TMEM272: variants seen among roughly 807,000 people sequenced by gnomAD.
TMEM272 encodes the protein transmembrane protein 272, also known as long intergenic non-protein coding RNA 282.
TMEM272 carries 8 observed loss-of-function variants against 3.7 expected under a neutral mutation model. The ratio of observed to expected loss-of-function variants is 2.17; its 90% CI spans 1.27 to 3.91. The LOEUF (loss-of-function observed/expected upper bound fraction) is 3.91. Among genes scored for constraint, TMEM272 ranks in the 30% most tolerant of loss-of-function variants. The pLI, the probability that TMEM272 is intolerant of heterozygous loss-of-function variation, is 0.00. For synonymous variants in TMEM272, 63 were observed against 39.8 expected (o/e 1.58, Z -2.20); for missense variants, 166 against 91.5 (o/e 1.81, Z -3.32).
chr13:51,843,032 G>A (rs776492470), intron 1 of TMEM272, among the ~76,000 whole-genome samples: 25 of 152,282 alleles, frequency 1.6e-4, no homozygotes, highest in Non-Finnish European at 2.4e-4. Context: ...TATGAGAGTG[G>A]CAGTTTCACC....
intron 3 of TMEM272, among the ~76,000 whole-genome samples, chr13:51,824,865 A>G (rs1485639820): frequency 6.6e-6 from 1 of 152,202 alleles, no homozygotes; most frequent in Non-Finnish European, 1.5e-5. Context: ...AGGCACAAGA[A>G]TCACTTGAGC....
chr13:51,846,662 C>T (rs912099620), upstream of TMEM272, among the ~76,000 whole-genome samples: 8 of 152,174 alleles, frequency 5.3e-5, no homozygotes, highest in African/African-American at 1.4e-4. Context: ...TAGGAGATGA[C>T]AGCTCCTGCC....
chr13:51,834,269 G>A (rs1385150178), intron 2 of TMEM272, among the ~76,000 whole-genome samples: 1 of 152,118 alleles, frequency 6.6e-6, no homozygotes, highest in Non-Finnish European at 1.5e-5. Context: ...CCACTGCCGG[G>A]GGCCACCTTT....
chr13:51,887,691 C>T, the TMEM272 span, among the ~76,000 whole-genome samples: 5 of 152,144 alleles, frequency 3.3e-5, no homozygotes, highest in African/African-American at 9.7e-5. Context: ...TTTGTTTCCA[C>T]GACCAGACCA....
At chr13:51,865,959 A>G in the TMEM272 span, 1 of 1,614,066 alleles carries the variant, frequency 6.2e-7, no homozygotes, top group Non-Finnish European at 8.5e-7. Context: ...CTCTGGGAGG[A>G]AGAGAGGGCC....
chr13:51,871,853 C>T, the TMEM272 span, among the ~76,000 whole-genome samples: 2,903 of 149,468 alleles, frequency 0.019, 132 homozygotes, highest in African/African-American at 0.069. Flanking sequence ...CAAACAGAGA[C>T]GCCCAGAGGC....
At chr13:51,827,081 T>G (rs1956132344) in intron 2 of TMEM272, among the ~76,000 whole-genome samples, 1 of 152,222 alleles carries the variant, frequency 6.6e-6, no homozygotes, top group Admixed American at 6.5e-5. Flanking sequence ...AAGTATTTGC[T>G]TCACAAAATC....
At chr13:51,898,781 A>T in the TMEM272 span, among the ~76,000 whole-genome samples, 1 of 151,648 alleles carries the variant, frequency 6.6e-6, no homozygotes, top group Non-Finnish European at 1.5e-5. Context: ...GTTCCAGGAG[A>T]GGCACCCAGC....
chr13:51,885,905 GA>G, the TMEM272 span, among the ~76,000 whole-genome samples: 1 of 152,162 alleles, frequency 6.6e-6, no homozygotes, highest in Non-Finnish European at 1.5e-5. Flanking sequence ...TGAGAGCAAA[GA>G]ATTTCTAAAA....
chr13:51,886,465 A>G, the TMEM272 span, among the ~76,000 whole-genome samples: 1 of 152,232 alleles, frequency 6.6e-6, no homozygotes. Flanking sequence ...AGTAAGACAC[A>G]GAGCCGTCAA....
At chr13:51,867,252 A>G in the TMEM272 span, among the ~76,000 whole-genome samples, 78 of 152,270 alleles carry the variant, frequency 5.1e-4, no homozygotes, top group African/African-American at 1.8e-3. Context: ...AGGTGCATAA[A>G]CCCATTGTAC....
At chr13:51,917,013 G>C in the TMEM272 span, among the ~76,000 whole-genome samples, 1 of 152,200 alleles carries the variant, frequency 6.6e-6, no homozygotes, top group African/African-American at 2.4e-5. Flanking sequence ...AGGAGGACAA[G>C]TAAGGCCCCG....
chr13:51,884,315 T>C, the TMEM272 span, among the ~76,000 whole-genome samples: 3 of 152,118 alleles, frequency 2.0e-5, no homozygotes, highest in East Asian at 1.9e-4. Flanking sequence ...AAAGTGAAAA[T>C]TGGTTGTGGC....
the TMEM272 span, among the ~76,000 whole-genome samples, chr13:51,885,599 A>G: frequency 6.6e-6 from 1 of 152,270 alleles, no homozygotes; most frequent in Admixed American, 6.5e-5. Flanking sequence ...TAACCATATC[A>G]CAGCATAACA....
chr13:51,861,092 A>C, the TMEM272 span, among the ~76,000 whole-genome samples: 4 of 152,188 alleles, frequency 2.6e-5, no homozygotes, highest in Non-Finnish European at 4.4e-5. Flanking sequence ...AGACACAGAA[A>C]GAAAAATGCT....
chr13:51,872,031 C>T, the TMEM272 span, among the ~76,000 whole-genome samples: 1 of 152,200 alleles, frequency 6.6e-6, no homozygotes, highest in African/African-American at 2.4e-5. Flanking sequence ...CTTCTAATAA[C>T]TGTTTTATCG....
At chr13:51,826,853 T>C (rs965691959) in intron 2 of TMEM272, among the ~76,000 whole-genome samples, 1 of 152,202 alleles carries the variant, frequency 6.6e-6, no homozygotes, top group Non-Finnish European at 1.5e-5. Context: ...ACTTTGCCGA[T>C]GCCAAGGCCC....
the TMEM272 span, among the ~76,000 whole-genome samples, chr13:51,852,567 C>A: frequency 6.6e-6 from 1 of 152,164 alleles, no homozygotes; most frequent in African/African-American, 2.4e-5. Flanking sequence ...CCAGTTTGAT[C>A]TACTTTTCCA....
chr13:51,826,138 C>CA (rs11295480), intron 3 of TMEM272, among the ~76,000 whole-genome samples: 14,384 of 123,108 alleles, frequency 0.12, 918 homozygotes, highest in Middle Eastern at 0.21. Context: ...ATTCATTCAG[C>CA]AAAAAAAAAA....
Sources: gnomAD v4.1 joint callset for allele counts (sites outside exome capture counted in the v4.1 genomes callset) on GRCh38, gnomAD v4.1.1 for gene constraint, MANE v1.5 for transcripts, NCBI Gene and HGNC (gene_info 2026-07-23, HGNC 2026-07-21) for gene names.